The following HS3ST5 variants were observed in gnomAD, a reference collection of about 807,000 sequenced individuals.
HS3ST5 encodes the protein heparan sulfate glucosamine 3-O-sulfotransferase 5.
In HS3ST5, 10 loss-of-function variants were observed where a neutral mutation model predicts 25.4. The ratio of observed to expected loss-of-function variants is 0.39; its 90% CI spans 0.24 to 0.67. The LOEUF is 0.67. Ranked by LOEUF, HS3ST5 falls within the 30% of genes least tolerant of loss-of-function variation. The probability of loss-of-function intolerance (pLI) is 0.44; values close to 1 mark genes in which losing one functional copy is unlikely to be tolerated. For synonymous variants in HS3ST5, 170 were observed against 162.4 expected (o/e 1.05, Z -0.36); for missense variants, 324 against 420.7 (o/e 0.77, Z 2.01).
intron 2 of HS3ST5, among the ~76,000 whole-genome samples, chr6:114,175,627 G>C (rs1458013387): frequency 3.3e-5 from 5 of 152,194 alleles, no homozygotes; most frequent in Non-Finnish European, 7.3e-5. Context: ...GCACGTGAGG[G>C]AGGAGGACAC....
At chr6:114,334,259 G>A (rs1158930778) in intron 1 of HS3ST5, among the ~76,000 whole-genome samples, 1 of 152,180 alleles carries the variant, frequency 6.6e-6, no homozygotes, top group Non-Finnish European at 1.5e-5. Flanking sequence ...GAACCCTAGA[G>A]TTCCCCGTGG....
intron 2 of HS3ST5, among the ~76,000 whole-genome samples, chr6:114,191,431 G>C (rs1034973369): frequency 3.3e-5 from 5 of 152,096 alleles, no homozygotes; most frequent in Non-Finnish European, 7.4e-5. Context: ...AGTTGAACAG[G>C]TAACTACAAA....
intron 1 of HS3ST5, among the ~76,000 whole-genome samples, chr6:114,258,199 G>A (rs746696511): frequency 2.6e-5 from 4 of 152,130 alleles, no homozygotes; most frequent in Non-Finnish European, 4.4e-5. Context: ...GGTGTCTGGG[G>A]TGATTGTTGT....
intron 2 of HS3ST5, among the ~76,000 whole-genome samples, chr6:114,195,286 A>G (rs748823428): frequency 1.5e-4 from 23 of 152,152 alleles, no homozygotes; most frequent in Non-Finnish European, 2.9e-4. Context: ...GGTGAAGGGA[A>G]GTTGCAGCTA....
intron 1 of HS3ST5, among the ~76,000 whole-genome samples, chr6:114,320,237 T>C (rs1353167872): frequency 6.6e-6 from 1 of 152,114 alleles, no homozygotes; most frequent in Non-Finnish European, 1.5e-5. Flanking sequence ...GTCGAATTAG[T>C]AATTTCACCA....
At chr6:114,102,529 G>C (rs1001220731) in intron 3 of HS3ST5, among the ~76,000 whole-genome samples, 2 of 152,144 alleles carry the variant, frequency 1.3e-5, no homozygotes, top group African/African-American at 4.8e-5. Context: ...ATTGAGGAGG[G>C]TACAGACAGG....
chr6:114,171,453 TA>T, intron 2 of HS3ST5, among the ~76,000 whole-genome samples: 1 of 152,302 alleles, frequency 6.6e-6, no homozygotes, highest in Non-Finnish European at 1.5e-5. Context: ...CCTGGTGCAG[TA>T]AAAAACTATA....
intron 1 of HS3ST5, among the ~76,000 whole-genome samples, chr6:114,311,200 T>C (rs896513126): frequency 3.3e-5 from 5 of 152,180 alleles, no homozygotes; most frequent in Non-Finnish European, 7.4e-5. Context: ...TTAAACAAGA[T>C]GTATTACTTT....
At chr6:114,335,231 T>C (rs933180665) in intron 1 of HS3ST5, among the ~76,000 whole-genome samples, 3 of 152,040 alleles carry the variant, frequency 2.0e-5, no homozygotes, top group Admixed American at 1.3e-4. Flanking sequence ...AATGAATGCT[T>C]TGTAAGGGCA....
intron 2 of HS3ST5, among the ~76,000 whole-genome samples, chr6:114,212,380 C>A (rs1200955985): frequency 6.6e-6 from 1 of 152,186 alleles, no homozygotes. Flanking sequence ...TCTTTTCTCA[C>A]TTGCTGCCCC....
chr6:114,305,392 T>C (rs1365611268), intron 1 of HS3ST5, among the ~76,000 whole-genome samples: 1 of 152,144 alleles, frequency 6.6e-6, no homozygotes, highest in Non-Finnish European at 1.5e-5. Context: ...ACTCACTATG[T>C]TATTTTTCAG....
intron 3 of HS3ST5, among the ~76,000 whole-genome samples, chr6:114,133,822 C>A (rs1469630595): frequency 2.0e-5 from 3 of 151,996 alleles, no homozygotes; most frequent in African/African-American, 7.2e-5. Flanking sequence ...GGTGCAGGGG[C>A]TTGTTCAGGA....
At chr6:114,185,885 C>T (rs1427873477) in intron 2 of HS3ST5, among the ~76,000 whole-genome samples, 1 of 152,034 alleles carries the variant, frequency 6.6e-6, no homozygotes, top group Admixed American at 6.6e-5. Flanking sequence ...GCTAAAGGCA[C>T]ACATTACTTT....
intron 3 of HS3ST5, among the ~76,000 whole-genome samples, chr6:114,094,255 G>A (rs1775303340): frequency 6.6e-6 from 1 of 152,138 alleles, no homozygotes; most frequent in African/African-American, 2.4e-5. Flanking sequence ...TTCAAGAAGA[G>A]GTGCACAAGG....
chr6:114,276,148 G>A (rs1016908252), intron 1 of HS3ST5, among the ~76,000 whole-genome samples: 1 of 151,558 alleles, frequency 6.6e-6, no homozygotes, highest in African/African-American at 2.4e-5. Flanking sequence ...AGGCAAGGGG[G>A]GAAATTGGAA....
intron 3 of HS3ST5, among the ~76,000 whole-genome samples, chr6:114,117,033 A>T (rs9384890): frequency 1.3e-5 from 2 of 152,052 alleles, no homozygotes; most frequent in Non-Finnish European, 2.9e-5. Flanking sequence ...TAATATCATC[A>T]TCAAGAAATC....
intron 2 of HS3ST5, among the ~76,000 whole-genome samples, chr6:114,215,065 G>C (rs1274781379): frequency 1.3e-5 from 2 of 152,160 alleles, no homozygotes; most frequent in Non-Finnish European, 2.9e-5. Flanking sequence ...CAGCAGTTTG[G>C]GAGGCCGAGG....
At chr6:114,305,803 C>T (rs1398372241) in intron 1 of HS3ST5, among the ~76,000 whole-genome samples, 1 of 152,046 alleles carries the variant, frequency 6.6e-6, no homozygotes, top group African/African-American at 2.4e-5. Flanking sequence ...GATTTTTGCA[C>T]CATCAATACA....
chr6:114,265,257 G>C (rs577883927), intron 1 of HS3ST5, among the ~76,000 whole-genome samples: 2 of 152,236 alleles, frequency 1.3e-5, no homozygotes, highest in African/African-American at 4.8e-5. Context: ...GTATCAAAAT[G>C]GAGAAAGTGG....
Sources: allele counts gnomAD v4.1 joint callset (sites outside exome capture counted in the v4.1 genomes callset), GRCh38; gene constraint gnomAD v4.1.1; transcripts MANE v1.5; gene names NCBI Gene and HGNC (gene_info 2026-07-23, HGNC 2026-07-21).